Variants in CACNB2 observed in about 807,000 individuals in gnomAD.
The protein encoded by CACNB2 is calcium voltage-gated channel auxiliary subunit beta 2.
Under a neutral mutation model 73.3 loss-of-function variants are expected in CACNB2, and 42 were observed. That is an observed-to-expected ratio of 0.57 (90% CI 0.45 to 0.74). The LOEUF (loss-of-function observed/expected upper bound fraction) is 0.74. Among genes scored for constraint, CACNB2 ranks in the 30% least tolerant of loss-of-function variants. The pLI, the probability that CACNB2 is intolerant of heterozygous loss-of-function variation, is 0.00. For missense variants in CACNB2, 940 were observed against 853.0 expected, an observed-to-expected ratio of 1.10 and a Z score of -1.27; for synonymous variants, 348 against 310.3, an observed-to-expected ratio of 1.12 and a Z score of -1.28.
chr10:18,519,079 TGAC>T lies in CACNB2; in HGVS notation c.944+112_944+114del, dbSNP rs370538254. 109 of 868,306 alleles carry T rather than the reference TGAC, an allele frequency of 1.3e-4. 2 individuals are homozygous for T. The East Asian group carries it at 2.6e-3, about 21-fold the overall frequency. The allele number at this position is 868,306 out of a possible 1,614,324, so 53.8% of individuals were successfully genotyped here. ...AAATGGCCCTCTGATGTCTATATGA[TGAC>T]AGGAAACAAGTTTCACTCAATTTAA... is the stretch of plus-strand genomic sequence containing the variant. On this transcript the variant is annotated intron_variant, in intron 9 of 13. Coordinates refer to ENST00000324631, the MANE Select transcript of CACNB2 (RefSeq NM_201596.3).
chr10:18,459,474 C>T (rs1251183226), intron 3 of CACNB2, among the ~76,000 whole-genome samples: 3 of 152,216 alleles, frequency 2.0e-5, no homozygotes, highest in Non-Finnish European at 2.9e-5. Flanking sequence ...ATACCTGAAT[C>T]ATCCAGGCTT....
intron 2 of CACNB2, among the ~76,000 whole-genome samples, chr10:18,189,551 C>A (rs551020681): frequency 3.5e-4 from 53 of 152,228 alleles, no homozygotes; most frequent in Non-Finnish European, 6.8e-4. Context: ...AGAATTTTTT[C>A]TCCTAGCGTT....
intron 2 of CACNB2, among the ~76,000 whole-genome samples, chr10:18,239,134 AGACTCCTT>A (rs1295903046): frequency 6.6e-6 from 1 of 152,186 alleles, no homozygotes; most frequent in Non-Finnish European, 1.5e-5. Flanking sequence ...GTTGAACAAA[AGACTCCTT>A]GACTAAGTTT....
intron 3 of CACNB2, among the ~76,000 whole-genome samples, chr10:18,475,205 G>A (rs1451474346): frequency 6.6e-6 from 1 of 151,922 alleles, no homozygotes; most frequent in African/African-American, 2.4e-5. Flanking sequence ...GAAGCTCTCA[G>A]ATCTCCATCC....
intron 2 of CACNB2, among the ~76,000 whole-genome samples, chr10:18,242,648 G>A (rs991893609): frequency 3.3e-5 from 5 of 152,112 alleles, no homozygotes; most frequent in African/African-American, 1.2e-4. Context: ...AGAAGTGTCT[G>A]TATTAGAAGT....
At chr10:18,231,237 C>G (rs2036213676) in intron 2 of CACNB2, among the ~76,000 whole-genome samples, 1 of 152,112 alleles carries the variant, frequency 6.6e-6, no homozygotes, top group Admixed American at 6.5e-5. Context: ...AGTGCAGTGG[C>G]CCGATCTCGG....
chr10:18,501,694 G>A (rs574077882), intron 5 of CACNB2, among the ~76,000 whole-genome samples: 4 of 152,294 alleles, frequency 2.6e-5, no homozygotes, highest in East Asian at 3.9e-4. Context: ...AATACGAATC[G>A]CTGGATTTCT....
chr10:18,519,037 C>G (rs576686707), intron 9 of CACNB2, 69 bp downstream of exon 9: 1 of 1,337,324 alleles, frequency 7.5e-7, no homozygotes. Flanking sequence ...GTGGGACATG[C>G]GTGTGATTCC....
intron 10 of CACNB2, among the ~76,000 whole-genome samples, chr10:18,533,714 C>A (rs957691699): frequency 6.6e-6 from 1 of 152,178 alleles, no homozygotes; most frequent in Non-Finnish European, 1.5e-5. Context: ...GCAAAGTGGT[C>A]TGCAATGAAC....
At chr10:18,348,776 T>G (rs546252335) in intron 2 of CACNB2, among the ~76,000 whole-genome samples, 17 of 152,288 alleles carry the variant, frequency 1.1e-4, no homozygotes, top group African/African-American at 3.8e-4. Context: ...ATGCTGAGAT[T>G]ACAGGTTTGA....
At chr10:18,167,130 A>G (rs1403122207) in intron 2 of CACNB2, among the ~76,000 whole-genome samples, 1 of 152,170 alleles carries the variant, frequency 6.6e-6, no homozygotes, top group African/African-American at 2.4e-5. Context: ...AAAGAATGAA[A>G]TCATGTCTTT....
intron 2 of CACNB2, among the ~76,000 whole-genome samples, chr10:18,285,172 C>G (rs11013339): frequency 0.11 from 17,065 of 152,170 alleles, 1,040 homozygotes; most frequent in Middle Eastern, 0.13. Context: ...GAGCCATATA[C>G]CCTGTATTCC....
intron 3 of CACNB2, among the ~76,000 whole-genome samples, chr10:18,487,832 C>G (rs1051128928): frequency 1.1e-5 from 1 of 88,582 alleles, no homozygotes; most frequent in African/African-American, 5.5e-5. Context: ...GAGCAAGACT[C>G]CATCTCAAAA....
At chr10:18,451,119 A>T (rs190173689) in intron 3 of CACNB2, among the ~76,000 whole-genome samples, 1 of 152,286 alleles carries the variant, frequency 6.6e-6, no homozygotes, top group East Asian at 1.9e-4. Context: ...TTGGGGGAAA[A>T]TTAGTGCAGA....
chr10:18,394,275 A>T (rs1589229757), intron 2 of CACNB2, among the ~76,000 whole-genome samples: 1 of 152,074 alleles, frequency 6.6e-6, no homozygotes, highest in South Asian at 2.1e-4. Flanking sequence ...AAATTTATAG[A>T]TGTGTGTGAG....
chr10:18,358,497 G>A (rs886839932), intron 2 of CACNB2, among the ~76,000 whole-genome samples: 4 of 104,284 alleles, frequency 3.8e-5, no homozygotes, highest in Non-Finnish European at 5.6e-5. Context: ...TAATGAGCAC[G>A]CTCTCTCTCT....
intron 3 of CACNB2, among the ~76,000 whole-genome samples, chr10:18,468,180 C>T (rs1360516063): frequency 6.6e-6 from 1 of 152,022 alleles, no homozygotes; most frequent in Non-Finnish European, 1.5e-5. Flanking sequence ...AATATACAGG[C>T]CAGGTGTGGT....
At chr10:18,414,857 CCCTT>C (rs1279678186) in intron 3 of CACNB2, among the ~76,000 whole-genome samples, 7 of 152,040 alleles carry the variant, frequency 4.6e-5, no homozygotes, top group Admixed American at 4.6e-4. Flanking sequence ...GTTCTTCCCT[CCCTT>C]TTTCTCCACC....
At chr10:18,220,637 C>G (rs2035754986) in intron 2 of CACNB2, among the ~76,000 whole-genome samples, 1 of 152,038 alleles carries the variant, frequency 6.6e-6, no homozygotes, top group Non-Finnish European at 1.5e-5. Context: ...GGCTTGTGGT[C>G]TGTTAGGAAC....
Sources: gnomAD v4.1 joint callset for allele counts (sites outside exome capture counted in the v4.1 genomes callset) on GRCh38, gnomAD v4.1.1 for gene constraint, MANE v1.5 for transcripts, NCBI Gene and HGNC (gene_info 2026-07-23, HGNC 2026-07-21) for gene names.